The following YAP1 variants were observed in gnomAD, a reference collection of about 807,000 sequenced individuals.
The protein encoded by YAP1 is Yes1 associated transcriptional regulator.
A neutral mutation model predicts 56.9 loss-of-function variants in YAP1; 5 were observed. The observed-to-expected ratio is 0.09, with a 90% CI of 0.05 to 0.18. The LOEUF (loss-of-function observed/expected upper bound fraction) is 0.18, where lower values mean the gene tolerates loss of function less well. Ranked by LOEUF, YAP1 falls within the 10% of genes least tolerant of loss-of-function variation. The pLI, the probability that YAP1 is intolerant of heterozygous loss-of-function variation, is 1.00. For synonymous variants in YAP1, 265 were observed against 248.1 expected (o/e 1.07, Z -0.64); for missense variants, 539 against 651.8 (o/e 0.83, Z 1.88).
In YAP1 at chr11:102,205,796, C is replaced by A. The variant is rs574282085; in HGVS notation, c.803-97C>A. 6.4e-6 allele frequency: 8 copies of A among 1,257,838 alleles called. No homozygotes were observed. In the East Asian group the frequency reaches 1.9e-4, roughly 30 times the overall value. The allele number at this position is 1,257,838 out of a possible 1,614,324, so 77.9% of individuals were successfully genotyped here. ...CCAGTCTTCCTGCCCAAAAAAGTTACATCGAATATCCCAAATTGCTTTTGA... is the reference window on the plus strand; with the variant it reads ...CCAGTCTTCCTGCCCAAAAAAGTTAAATCGAATATCCCAAATTGCTTTTGA... On this transcript the variant is annotated intron_variant, in intron 4 of 8. Coordinates refer to ENST00000282441, the MANE Select transcript of YAP1 (RefSeq NM_001130145.3).
At chr11:102,179,488 C>G (rs72974134) in intron 3 of YAP1, among the ~76,000 whole-genome samples, 2 of 152,020 alleles carry the variant, frequency 1.3e-5, no homozygotes, top group Non-Finnish European at 2.9e-5. Flanking sequence ...ACCATAAAAA[C>G]GAAGCGAACT....
At chr11:102,118,323 G>A (rs1943422501) in intron 2 of YAP1, among the ~76,000 whole-genome samples, 1 of 152,074 alleles carries the variant, frequency 6.6e-6, no homozygotes, top group South Asian at 2.1e-4. Flanking sequence ...ATATTGAGTA[G>A]CTTGGTATAC....
At chr11:102,114,938 T>G (rs1448117447) in intron 2 of YAP1, among the ~76,000 whole-genome samples, 2 of 152,066 alleles carry the variant, frequency 1.3e-5, no homozygotes, top group African/African-American at 2.4e-5. Context: ...CCCCCAAAAA[T>G]GTAAAGGGAA....
chr11:102,185,885 A>G (rs1258683578), intron 3 of YAP1, 133 bp from the exon 4 acceptor site: 2 of 887,702 alleles, frequency 2.3e-6, no homozygotes, highest in African/African-American at 3.4e-5. Flanking sequence ...TTCTCTGAAC[A>G]CAGCCTTAAA....
chr11:102,228,745 T>C (rs1950324324), intron 8 of YAP1, among the ~76,000 whole-genome samples: 1 of 151,762 alleles, frequency 6.6e-6, no homozygotes, highest in African/African-American at 2.4e-5. Flanking sequence ...GTGGCTTACC[T>C]GGCAACCATT....
At chr11:102,197,623 G>A (rs1948636772) in intron 4 of YAP1, among the ~76,000 whole-genome samples, 1 of 152,148 alleles carries the variant, frequency 6.6e-6, no homozygotes, top group African/African-American at 2.4e-5. Flanking sequence ...GGGCTGATTT[G>A]TTAAGCAAAA....
At chr11:102,186,291 A>C in intron 4 of YAP1, 160 bp downstream of exon 4, 14 of 805,552 alleles carry the variant, frequency 1.7e-5, no homozygotes, top group Non-Finnish European at 2.4e-5. Flanking sequence ...TATCCTTCTC[A>C]TTGTAAACTT....
At chr11:102,140,509 G>A (rs1944954391) in intron 2 of YAP1, among the ~76,000 whole-genome samples, 1 of 152,152 alleles carries the variant, frequency 6.6e-6, no homozygotes, top group Admixed American at 6.6e-5. Context: ...AGAAAGAACA[G>A]TGTCATTAAA....
chr11:102,199,873 T>C (rs1487919679), intron 4 of YAP1, among the ~76,000 whole-genome samples: 1 of 152,244 alleles, frequency 6.6e-6, no homozygotes, highest in Non-Finnish European at 1.5e-5. Context: ...GGACAATGTT[T>C]ACAAGGATTG....
In YAP1 at chr11:102,223,684, G is replaced by T; in HGVS notation, c.1095G>T (p.Val365=). The part of the protein sequence containing the change: ...LEQDGGTQNP[V]SSPGMSQELR... ...AGGATGGTGGGACTCAAAATCCAGT[G>T]TCTTCTCCCGGGATGTCTCAGGAAT... Residue 365 remains valine, a synonymous_variant, in exon 7 of 9, where the codon GTG becomes GTT. Transcript: ENST00000282441. 6.2e-7 allele frequency: 1 copy of T among 1,614,148 alleles called. No homozygotes were observed. The highest frequency in any genetic ancestry group is 8.5e-7 in the Non-Finnish European group (1 of 1,180,014).
At chr11:102,207,527 TA>T (rs879674853) in intron 5 of YAP1, among the ~76,000 whole-genome samples, 841 of 140,860 alleles carry the variant, frequency 6.0e-3, no homozygotes, top group African/African-American at 6.9e-3. Flanking sequence ...CTCTGTCTCT[TA>T]AAAAAAAAAA....
At chr11:102,139,107 A>G (rs1944854746) in intron 2 of YAP1, among the ~76,000 whole-genome samples, 2 of 151,336 alleles carry the variant, frequency 1.3e-5, no homozygotes, top group Admixed American at 1.3e-4. Context: ...GATTTAATCC[A>G]TTGTAATTTT....
At chr11:102,121,534 C>T (rs923579419) in intron 2 of YAP1, among the ~76,000 whole-genome samples, 2 of 152,072 alleles carry the variant, frequency 1.3e-5, no homozygotes, top group Non-Finnish European at 2.9e-5. Flanking sequence ...TTGTGCTGTC[C>T]AGTCTGGAAT....
At position 102,209,553 on chromosome 11, in the gene YAP1, C is replaced by T. The variant is rs1400151437; in HGVS notation, c.1021C>T (p.Pro341Ser). The T allele has an allele frequency of 1.9e-6, 3 of 1,596,700 alleles. No homozygotes were observed. Among genetic ancestry groups the T allele is most frequent in the African/African-American group, 2.7e-5 (2 of 73,122 alleles). Reference protein sequence around the residue: ...RNINPSTANSPKCQELALRSQ... With the variant: ...RNINPSTANSSKCQELALRSQ... The stretch of plus-strand genomic sequence containing the variant: ...TATCAATCCCAGCACAGCAAATTCT[C>T]CAAAATGTCAGGTAGGCTCTTATCT... Residue 341 changes from proline to serine, a missense_variant, in exon 6 of 9, where the codon CCA becomes TCA. By Grantham distance (74) the Pro-to-Ser change is moderately conservative (BLOSUM62 -1). Around this residue, in one of 4 missense-constraint regions of YAP1, gnomAD observed 414 missense variants for 512.4 expected, o/e 0.81. Coordinates refer to ENST00000282441, the MANE Select transcript of YAP1 (RefSeq NM_001130145.3).
chr11:102,120,988 G>T (rs542413844), intron 2 of YAP1, among the ~76,000 whole-genome samples: 1 of 152,256 alleles, frequency 6.6e-6, no homozygotes, highest in Admixed American at 6.5e-5. Context: ...GGAAATAGAT[G>T]TGGGGGTTCT....
chr11:102,228,634 CAAAAAAAAAAAA>C (rs71059544), intron 8 of YAP1, among the ~76,000 whole-genome samples: 69 of 31,644 alleles, frequency 2.2e-3, no homozygotes, highest in Middle Eastern at 0.018. Flanking sequence ...GACTCCGTCT[CAAAAAAAAAAAA>C]AAAAAAAAAA....
rs780027739 is a variant in YAP1, at chr11:102,111,124, C to T, written c.276C>T (p.Pro92=). 3.7e-6 allele frequency: 6 copies of T among 1,613,222 alleles called. No homozygotes were observed. The East Asian group carries it at 6.7e-5, about 18-fold the overall frequency. Residue 92 remains proline (P), a synonymous_variant, in exon 1 of 9, where the codon CCC becomes CCT. Coordinates refer to ENST00000282441, the MANE Select transcript of YAP1 (RefSeq NM_001130145.3). ...QTVPMRLRKL[P]DSFFKPPEPK... is the part of the protein sequence containing the mutation. Reference sequence around the variant, plus strand: ...TGCCCATGAGGCTCCGGAAGCTGCCCGACTCCTTCTTCAAGCCGCCGGAGC... The same window carrying T: ...TGCCCATGAGGCTCCGGAAGCTGCCTGACTCCTTCTTCAAGCCGCCGGAGC...
In YAP1 at chr11:102,110,880, C is replaced by A; in HGVS notation, c.32C>A (p.Pro11Gln). 7.0e-7 allele frequency: 1 copy of A among 1,422,480 alleles called. No homozygotes were observed. Among genetic ancestry groups the A allele is most frequent in the Non-Finnish European group, 9.2e-7 (1 of 1,085,790 alleles). 88.1% of individuals were successfully genotyped at this position (1,422,480 alleles called of 1,614,324 possible). A position where few individuals can be genotyped will look rare whatever the true frequency, so the allele number is the denominator to read the frequency against. Residue 11 changes from proline (P) to glutamine (Q), a missense_variant, in exon 1 of 9, where the codon CCG becomes CAG. Around this residue, in one of 4 missense-constraint regions of YAP1, gnomAD observed 106 missense variants for 86.6 expected, o/e 1.22. Coordinates refer to ENST00000282441, the MANE Select transcript of YAP1 (RefSeq NM_001130145.3). MDPGQQPPPQ[P>Q]APQGQGQPPS... ...CCCGGGCAGCAGCCGCCGCCTCAAC[C>A]GGCCCCCCAGGGCCAAGGGCAGCCG... is the stretch of plus-strand genomic sequence containing the variant.
At chr11:102,112,614 C>T (rs1591093819) in intron 1 of YAP1, 1 of 984,988 alleles carries the variant, frequency 1.0e-6, no homozygotes, top group Non-Finnish European at 1.2e-6. Flanking sequence ...GTTGTATAGT[C>T]TCCTGTCGGA....
Sources: allele counts gnomAD v4.1 joint callset (sites outside exome capture counted in the v4.1 genomes callset), GRCh38; gene constraint gnomAD v4.1.1; regional missense constraint gnomAD v4.1.1; transcripts MANE v1.5; gene names NCBI Gene and HGNC (gene_info 2026-07-23, HGNC 2026-07-21).